Variants in PTDSS2 observed in about 807,000 individuals in gnomAD.
PTDSS2 encodes phosphatidylserine synthase 2, also known as PSS-2.
In PTDSS2, 41 loss-of-function variants were observed where a neutral mutation model predicts 64.7. That is an observed-to-expected ratio of 0.63 (90% CI 0.49 to 0.82). PTDSS2 has a LOEUF of 0.82. Ranked by LOEUF, PTDSS2 falls within the 40% of genes least tolerant of loss-of-function variation. The pLI is 0.00. For missense variants in PTDSS2, 485 were observed against 650.0 expected (o/e 0.75, Z 2.76); for synonymous variants, 297 against 277.8 (o/e 1.07, Z -0.69).
Position 478,076 on chromosome 11 carries a change from G to A in PTDSS2, c.368-1009G>A, listed in dbSNP as rs896915534. On this transcript the variant is annotated intron_variant, in intron 3 of 11. Transcript: ENST00000308020. ...GTCTTGCCGTGAGCTGCTCGGAGCCGTGGGAAGTCAGGAATTGAGGGATGG... is the reference window on the plus strand; with the variant it reads ...GTCTTGCCGTGAGCTGCTCGGAGCCATGGGAAGTCAGGAATTGAGGGATGG... 9.9e-5 allele frequency among the ~76,000 whole-genome samples: 15 copies of A among 152,190 alleles called. 1 individual carries two copies. Among genetic ancestry groups the A allele is most frequent in the Non-Finnish European group, 5.9e-5 (4 of 68,038 alleles).
intron 2 of PTDSS2, among the ~76,000 whole-genome samples, chr11:465,835 A>C (rs1033935105): frequency 6.6e-6 from 1 of 151,672 alleles, no homozygotes; most frequent in African/African-American, 2.4e-5. Context: ...CCAGGTACTC[A>C]GGAGACCGAG....
intron 8 of PTDSS2, 90 bp from the exon 9 acceptor site, chr11:489,310 C>A: frequency 9.1e-7 from 1 of 1,098,410 alleles, no homozygotes; most frequent in Non-Finnish European, 1.3e-6. Flanking sequence ...CAGGGCGGGG[C>A]CGGGTGACCA....
At chr11:487,678 A>G (rs1425752697) in intron 6 of PTDSS2, among the ~76,000 whole-genome samples, 1 of 152,126 alleles carries the variant, frequency 6.6e-6, no homozygotes, top group Non-Finnish European at 1.5e-5. Flanking sequence ...CTCCGTCCTC[A>G]GGGTCGGGGC....
At chr11:485,181 G>A (rs1346324535) in intron 4 of PTDSS2, among the ~76,000 whole-genome samples, 3 of 142,638 alleles carry the variant, frequency 2.1e-5, no homozygotes, top group Non-Finnish European at 4.5e-5. Context: ...CACTGCGCAG[G>A]CGAGTGTAAA....
intron 8 of PTDSS2, 95 bp downstream of exon 8, chr11:488,742 G>T (rs1028545855): frequency 1.2e-5 from 11 of 901,484 alleles, no homozygotes; most frequent in Non-Finnish European, 1.7e-5. Context: ...CACCAGGCCC[G>T]TCCAGTGTGC....
In PTDSS2 at chr11:456,713, G is replaced by T. The variant is rs1846613818; in HGVS notation, c.183-3474G>T. ...TGAGTTTCTGGGTCGCCGAATCCAG[G>T]CACCCTTAGGAATGGGGGCCTAAGA... is the stretch of plus-strand genomic sequence containing the variant. On this transcript the variant is annotated intron_variant, in intron 1 of 11. Coordinates refer to ENST00000308020, the MANE Select transcript of PTDSS2 (RefSeq NM_030783.3). Among the ~76,000 whole-genome samples, 4 of 152,240 alleles carry T rather than the reference G, an allele frequency of 2.6e-5. No homozygotes were observed. In the South Asian group the frequency reaches 8.3e-4, roughly 32 times the overall value.
intron 4 of PTDSS2, among the ~76,000 whole-genome samples, chr11:483,392 A>G (rs1848154168): frequency 6.6e-6 from 1 of 151,486 alleles, no homozygotes; most frequent in Admixed American, 6.6e-5. Flanking sequence ...TACCGAGTGG[A>G]GAAGGTTCTG....
At chr11:474,693 C>T (rs980770476) in intron 3 of PTDSS2, among the ~76,000 whole-genome samples, 27 of 152,308 alleles carry the variant, frequency 1.8e-4, no homozygotes, top group African/African-American at 5.5e-4. Context: ...GGTTGTTTCC[C>T]CTGAGTGGCC....
rs1846820552 is a variant in PTDSS2, at chr11:460,365, G to A, written c.284+77G>A. 2 of 1,230,732 alleles carry A rather than the reference G, an allele frequency of 1.6e-6. No individual in the cohort carries two copies. Among genetic ancestry groups the A allele is most frequent in the East Asian group, 4.9e-5 (2 of 40,552 alleles). The allele number at this position is 1,230,732 out of a possible 1,614,324, so 76.2% of individuals were successfully genotyped here. A position where few individuals can be genotyped will look rare whatever the true frequency, so the allele number is the denominator to read the frequency against. The stretch of plus-strand genomic sequence containing the variant: ...TGGGTGTGGCACCCTTACTGCTCGG[G>A]CTGCCGGGGGCTCAGAAGGCCTTCA... On this transcript the variant is annotated intron_variant, in intron 2 of 11. Coordinates refer to ENST00000308020, the MANE Select transcript of PTDSS2 (RefSeq NM_030783.3). This position sits in a 1 kb window ranked among gnomAD's most constrained non-coding sequence, Gnocchi z 5.8.
intron 1 of PTDSS2, among the ~76,000 whole-genome samples, chr11:453,767 G>A (rs781623724): frequency 2.0e-5 from 3 of 152,218 alleles, no homozygotes; most frequent in East Asian, 1.9e-4. Context: ...CGACGACGCC[G>A]CGTTTTCCTC....
Position 478,946 on chromosome 11 carries a change from T to C in PTDSS2, c.368-139T>C, listed in dbSNP as rs1006618564. 8 of 680,366 alleles carry C rather than the reference T, an allele frequency of 1.2e-5. No homozygotes were observed. The African/African-American group carries it at 1.3e-4, about 11-fold the overall frequency. 42.1% of individuals were successfully genotyped at this position (680,366 alleles called of 1,614,324 possible). On this transcript the variant is annotated intron_variant, in intron 3 of 11. Transcript: ENST00000308020. Reference sequence around the variant, plus strand: ...GCCTAATTCTGAGTTACAGCTTTCTTTATAAAGGCTCTCCCAGGGGCCTGT... The same window carrying C: ...GCCTAATTCTGAGTTACAGCTTTCTCTATAAAGGCTCTCCCAGGGGCCTGT...
intron 3 of PTDSS2, among the ~76,000 whole-genome samples, chr11:475,578 T>G (rs1246750215): frequency 6.6e-6 from 1 of 152,194 alleles, no homozygotes; most frequent in Non-Finnish European, 1.5e-5. Flanking sequence ...CGCGTTTGTG[T>G]GTACAGACAT....
At chr11:478,213 A>G (rs1379326340) in intron 3 of PTDSS2, among the ~76,000 whole-genome samples, 1 of 151,940 alleles carries the variant, frequency 6.6e-6, no homozygotes, top group Non-Finnish European at 1.5e-5. Context: ...AACTTAACAT[A>G]CTGGAATTGA....
Position 475,634 on chromosome 11 carries a change from C to T in PTDSS2, c.367+1657C>T, listed in dbSNP as rs79718441. ...GGAATCCTGAACACGTGGCTTTGTG[C>T]ATTCTCCACTTCAGGTTCAACGACT... On this transcript the variant is annotated intron_variant, in intron 3 of 11. Coordinates refer to ENST00000308020, the MANE Select transcript of PTDSS2 (RefSeq NM_030783.3). Among the ~76,000 whole-genome samples the T allele has an allele frequency of 8.0e-3, 1,217 of 152,290 alleles. 20 individuals are homozygous for T. The highest frequency in any genetic ancestry group is 0.028 in the African/African-American group (1,169 of 41,550).
At position 457,244 on chromosome 11, in the gene PTDSS2, G is replaced by A. The variant is rs555449351; in HGVS notation, c.183-2943G>A. On this transcript the variant is annotated intron_variant, in intron 1 of 11. Transcript: ENST00000308020. ...TGGGTGCGTTCAGTGCAGCACCCAC[G>A]TGCAGGTGACACGCCCATGCACCGC... Among the ~76,000 whole-genome samples the A allele has an allele frequency of 7.9e-5, 12 of 152,346 alleles. No homozygotes were observed. The South Asian group carries it at 2.1e-3, about 26-fold the overall frequency.
chr11:456,036 G>A (rs1294277833), intron 1 of PTDSS2, among the ~76,000 whole-genome samples: 2 of 152,174 alleles, frequency 1.3e-5, no homozygotes, highest in East Asian at 1.9e-4. Context: ...CCACGCACAC[G>A]GCATGAAGGT....
intron 3 of PTDSS2, among the ~76,000 whole-genome samples, chr11:475,620 C>T (rs1847768984): frequency 6.6e-6 from 1 of 152,224 alleles, no homozygotes; most frequent in Non-Finnish European, 1.5e-5. Context: ...GAATCCTGAA[C>T]ACGTGGCTTT....
intron 4 of PTDSS2, 100 bp from the exon 5 acceptor site, chr11:486,839 C>T (rs1187774084): frequency 4.1e-6 from 6 of 1,449,700 alleles, no homozygotes; most frequent in Non-Finnish European, 3.7e-6. Flanking sequence ...CAGAGCGAGA[C>T]TCCATCTCAA....
chr11:490,591 G>A lies in PTDSS2; in HGVS notation c.*9G>A, dbSNP rs117266884. ...CACCAACTCCAAACTGACCTGGGCC[G>A]TGGCTGCCTCGTGAGCCTCCCAGAG... is the stretch of plus-strand genomic sequence containing the variant. On this transcript the variant is annotated 3_prime_UTR_variant, in exon 12 of 12. Coordinates refer to ENST00000308020, the MANE Select transcript of PTDSS2 (RefSeq NM_030783.3). The A allele has an allele frequency of 9.5e-3, 15,026 of 1,575,100 alleles. 151 individuals are homozygous for A. Among genetic ancestry groups the A allele is most frequent in the South Asian group, 0.033 (2,877 of 86,742 alleles).
Sources: allele counts gnomAD v4.1 joint callset (sites outside exome capture counted in the v4.1 genomes callset), GRCh38; gene constraint gnomAD v4.1.1; non-coding constraint Gnocchi (gnomAD v3.1); transcripts MANE v1.5; gene names NCBI Gene and HGNC (gene_info 2026-07-23, HGNC 2026-07-21).